Variants in FRMD4B observed in about 807,000 individuals in gnomAD.
The protein encoded by FRMD4B is FERM domain containing 4B.
A neutral mutation model predicts 141.5 loss-of-function variants in FRMD4B; 74 were observed. The observed-to-expected ratio is 0.52, with a 90% CI of 0.43 to 0.63. FRMD4B has a LOEUF of 0.63. Among genes scored for constraint, FRMD4B ranks in the 30% least tolerant of loss-of-function variants. The pLI, the probability that FRMD4B is intolerant of heterozygous loss-of-function variation, is 0.00. For missense variants in FRMD4B, 1,366 were observed against 1,253.4 expected, an observed-to-expected ratio of 1.09 and a Z score of -1.36; for synonymous variants, 506 against 467.9, an observed-to-expected ratio of 1.08 and a Z score of -1.05.
At chr3:69,455,316 A>G (rs55824417) in intron 1 of FRMD4B, among the ~76,000 whole-genome samples, 101,549 of 151,998 alleles carry the variant, frequency 0.67, 34,591 homozygotes, top group East Asian at 0.85. Context: ...TTGTTCTTTC[A>G]CTCTTTGCAA....
chr3:69,406,923 T>TG (rs1439575474), intron 2 of FRMD4B, among the ~76,000 whole-genome samples: 1 of 150,550 alleles, frequency 6.6e-6, no homozygotes, highest in Admixed American at 6.6e-5. Flanking sequence ...TTTTTTTTTT[T>TG]TTTTGTAGAG....
At position 69,402,545 on chromosome 3, in the gene FRMD4B, AAGGGG is replaced by A. The variant is rs1704582534; in HGVS notation, c.-1+30084_-1+30088del. Among the ~76,000 whole-genome samples the A allele has an allele frequency of 2.0e-5, 3 of 152,162 alleles. No homozygotes were observed. The South Asian group carries it at 6.2e-4, about 32-fold the overall frequency. Reference sequence around the variant, plus strand: ...TTTACACTGGACTGAAAGCTTTGAGAAGGGGAGGATGTTTTGTTTATCTTTGTATC... The same window carrying A: ...TTTACACTGGACTGAAAGCTTTGAGAAGGATGTTTTGTTTATCTTTGTATC... On this transcript the variant is annotated intron_variant, in intron 2 of 5. Coordinates refer to the FRMD4B transcript ENST00000459638.
chr3:69,314,234 A>AAAG (rs1701726280), intron 1 of FRMD4B, among the ~76,000 whole-genome samples: 1 of 148,112 alleles, frequency 6.8e-6, no homozygotes. Flanking sequence ...TATTAAAAAA[A>AAAG]AAAAAAAAGC....
At chr3:69,379,571 C>G (rs1321609813) in intron 1 of FRMD4B, among the ~76,000 whole-genome samples, 1 of 152,228 alleles carries the variant, frequency 6.6e-6, no homozygotes, top group Non-Finnish European at 1.5e-5. Context: ...AGGTGCCACA[C>G]CCAGCCACGC....
At chr3:69,486,453 T>A (rs1287152527) in intron 1 of FRMD4B, among the ~76,000 whole-genome samples, 1 of 152,144 alleles carries the variant, frequency 6.6e-6, no homozygotes, top group East Asian at 1.9e-4. Context: ...CCCAAAGACA[T>A]TTTTTATAAA....
chr3:69,247,240 T>A (rs755760509), intron 7 of FRMD4B, among the ~76,000 whole-genome samples: 3 of 152,136 alleles, frequency 2.0e-5, no homozygotes, highest in Non-Finnish European at 2.9e-5. Flanking sequence ...ATTTTACCGA[T>A]GAGGAAACTG....
intron 17 of FRMD4B, among the ~76,000 whole-genome samples, chr3:69,191,158 C>T (rs1056155661): frequency 1.1e-4 from 17 of 152,202 alleles, no homozygotes; most frequent in African/African-American, 3.9e-4. Flanking sequence ...CTGCCTCACC[C>T]CTGTAATCTC....
At chr3:69,501,499 G>C (rs1483741524) in intron 1 of FRMD4B, among the ~76,000 whole-genome samples, 1 of 152,118 alleles carries the variant, frequency 6.6e-6, no homozygotes, top group African/African-American at 2.4e-5. Context: ...CTGACATGAG[G>C]CAAGCAGAAT....
intron 11 of FRMD4B, among the ~76,000 whole-genome samples, chr3:69,210,882 G>A (rs531678320): frequency 1.5e-4 from 23 of 152,082 alleles, no homozygotes; most frequent in Non-Finnish European, 2.9e-4. Context: ...GCATGGTGGC[G>A]CATGCCTGTA....
chr3:69,227,522 T>C (rs1437094695), intron 7 of FRMD4B, among the ~76,000 whole-genome samples: 6 of 151,924 alleles, frequency 3.9e-5, no homozygotes, highest in Non-Finnish European at 7.4e-5. Flanking sequence ...ATTAGCCTGC[T>C]GTGGTGGCAG....
At chr3:69,262,923 C>CA (rs1559760995) in intron 5 of FRMD4B, among the ~76,000 whole-genome samples, 1 of 152,052 alleles carries the variant, frequency 6.6e-6, no homozygotes, top group Admixed American at 6.6e-5. Flanking sequence ...TGACTCCTGT[C>CA]ATACAAAGTT....
intron 3 of FRMD4B, chr3:69,306,849 C>T (rs1302055991): frequency 6.6e-6 from 1 of 152,150 alleles, no homozygotes; most frequent in African/African-American, 2.4e-5. Context: ...TGGGAGGGCC[C>T]TCACTCAGTG....
chr3:69,359,170 A>C (rs1703404875), intron 1 of FRMD4B, among the ~76,000 whole-genome samples: 1 of 152,208 alleles, frequency 6.6e-6, no homozygotes, highest in Admixed American at 6.5e-5. Context: ...AATTTAATTC[A>C]TAAATGAGGT....
At chr3:69,242,938 G>A (rs1237529123) in intron 7 of FRMD4B, among the ~76,000 whole-genome samples, 1 of 147,120 alleles carries the variant, frequency 6.8e-6, no homozygotes, top group Non-Finnish European at 1.5e-5. Flanking sequence ...AGGGTGCAGT[G>A]AGCCGAGATC....
At chr3:69,334,510 C>G (rs1321875970) in intron 1 of FRMD4B, 1 of 151,418 alleles carries the variant, frequency 6.6e-6, no homozygotes. Flanking sequence ...AATAGTGGGA[C>G]TGGGATTAAA....
intron 1 of FRMD4B, among the ~76,000 whole-genome samples, chr3:69,380,287 C>T (rs1040457143): frequency 1.3e-5 from 2 of 152,274 alleles, no homozygotes; most frequent in African/African-American, 4.8e-5. Context: ...TTCACAGTCT[C>T]TCTTACTGAG....
chr3:69,211,880 T>C (rs1489167946), intron 11 of FRMD4B, among the ~76,000 whole-genome samples: 1 of 152,192 alleles, frequency 6.6e-6, no homozygotes, highest in Non-Finnish European at 1.5e-5. Flanking sequence ...CTTTCATTTG[T>C]GCAAACTAGG....
chr3:69,515,285 C>A (rs1441503614), intron 1 of FRMD4B, among the ~76,000 whole-genome samples: 1 of 152,180 alleles, frequency 6.6e-6, no homozygotes, highest in Non-Finnish European at 1.5e-5. Flanking sequence ...TCGTCTTCCA[C>A]CAGGTACCAC....
intron 11 of FRMD4B, among the ~76,000 whole-genome samples, chr3:69,201,281 G>C (rs2092964380): frequency 6.6e-6 from 1 of 151,668 alleles, no homozygotes; most frequent in Non-Finnish European, 1.5e-5. Context: ...AGATGGTATG[G>C]GGGGTACGTT....
Sources: allele counts gnomAD v4.1 joint callset (sites outside exome capture counted in the v4.1 genomes callset), GRCh38; gene constraint gnomAD v4.1.1; transcripts MANE v1.5; gene names NCBI Gene and HGNC (gene_info 2026-07-23, HGNC 2026-07-21).